MFHAS1: variants seen among roughly 807,000 people sequenced by gnomAD.
MFHAS1 encodes the protein malignant fibrous histiocytoma-amplified sequence 1.
MFHAS1 carries 50 observed loss-of-function variants against 70.4 expected under a neutral mutation model. That is an observed-to-expected ratio of 0.71 (90% CI 0.57 to 0.90). MFHAS1 has a LOEUF of 0.90. Among genes scored for constraint, MFHAS1 ranks in the 40% least tolerant of loss-of-function variants. MFHAS1 has a pLI of 0.00. For synonymous variants in MFHAS1, 952 were observed against 620.0 expected (o/e 1.54, Z -7.96); for missense variants, 1,795 against 1,347.6 (o/e 1.33, Z -5.20).
chr8:8,815,428 T>C (rs1443989634), intron 1 of MFHAS1, among the ~76,000 whole-genome samples: 2 of 152,184 alleles, frequency 1.3e-5, no homozygotes, highest in Non-Finnish European at 2.9e-5. Flanking sequence ...TCTAGGTCTT[T>C]GAGGAATTGC....
At chr8:8,837,960 G>A (rs557430171) in intron 1 of MFHAS1, among the ~76,000 whole-genome samples, 63 of 152,258 alleles carry the variant, frequency 4.1e-4, no homozygotes, top group African/African-American at 1.5e-3. Context: ...GACATGTCCA[G>A]CACACAAAGA....
intron 1 of MFHAS1, among the ~76,000 whole-genome samples, chr8:8,826,360 G>A (rs188809496): frequency 3.3e-5 from 5 of 152,062 alleles, no homozygotes; most frequent in Admixed American, 2.6e-4. Flanking sequence ...GGAAGAACAC[G>A]TGCCTAATCA....
intron 1 of MFHAS1, among the ~76,000 whole-genome samples, chr8:8,846,340 AGGAGGGGGAGGAGGGGG>A (rs1808038017): frequency 3.1e-5 from 1 of 31,914 alleles, no homozygotes; most frequent in Admixed American, 4.6e-4. Flanking sequence ...TAGGAGGGGG[AGGAGGGGGAGGAGGGGG>A]AGGAGGAGAA....
At chr8:8,877,025 C>G in intron 1 of MFHAS1, among the ~76,000 whole-genome samples, 1 of 151,830 alleles carries the variant, frequency 6.6e-6, no homozygotes, top group Non-Finnish European at 1.5e-5. Flanking sequence ...CAGGGCTGGG[C>G]GCAGTGGCAC....
intron 1 of MFHAS1, among the ~76,000 whole-genome samples, chr8:8,877,894 T>A (rs1809356812): frequency 6.6e-6 from 1 of 152,212 alleles, no homozygotes; most frequent in East Asian, 1.9e-4. Flanking sequence ...CTTACTATAA[T>A]TTCTAAATGC....
intron 1 of MFHAS1, among the ~76,000 whole-genome samples, chr8:8,806,117 T>C (rs7460127): frequency 1.1e-4 from 16 of 152,234 alleles, no homozygotes; most frequent in African/African-American, 3.4e-4. Flanking sequence ...CTCTTCCTCC[T>C]GCTTTCTCTG....
chr8:8,892,554 G>C lies in MFHAS1; in HGVS notation c.505C>G (p.Arg169Gly), dbSNP rs1187160545. 6.2e-7 allele frequency: 1 copy of C among 1,601,702 alleles called. No homozygotes were observed. Among genetic ancestry groups the C allele is most frequent in the African/African-American group, 1.3e-5 (1 of 74,734 alleles). ...HLEELDVSFN[R>G]LAHLPDSLSC... Reference sequence around the variant, plus strand: ...AGGGAGTCAGGCAGGTGCGCCAGCCGGTTAAAGCTGACATCCAGCTCCTCC... The same window carrying C: ...AGGGAGTCAGGCAGGTGCGCCAGCCCGTTAAAGCTGACATCCAGCTCCTCC... Residue 169 changes from arginine (R) to glycine (G), a missense_variant, in exon 1 of 3, where the codon CGG (arginine) becomes GGG (glycine). Transcript: ENST00000276282. The surrounding 1 kb of genome is among the most constrained non-coding windows in gnomAD (Gnocchi z 4.7).
intron 1 of MFHAS1, among the ~76,000 whole-genome samples, chr8:8,874,331 TACACACACACACACAC>T (rs35271686): frequency 1.4e-4 from 20 of 144,802 alleles, no homozygotes; most frequent in African/African-American, 2.6e-4. Context: ...TATAACATTC[TACACACACACACACAC>T]ACACACACAC....
chr8:8,850,797 G>C (rs1025699776), intron 1 of MFHAS1, among the ~76,000 whole-genome samples: 2 of 134,754 alleles, frequency 1.5e-5, no homozygotes. Flanking sequence ...GGCAACAGGA[G>C]TGAAACTCCG....
intron 2 of MFHAS1, among the ~76,000 whole-genome samples, chr8:8,795,562 G>A (rs1472003996): frequency 2.0e-5 from 3 of 152,202 alleles, no homozygotes; most frequent in East Asian, 1.9e-4. Context: ...TTGGGTGTTC[G>A]GTGATATTTT....
intron 1 of MFHAS1, among the ~76,000 whole-genome samples, chr8:8,827,515 T>C (rs1410556034): frequency 6.6e-6 from 1 of 152,226 alleles, no homozygotes; most frequent in Non-Finnish European, 1.5e-5. Flanking sequence ...CAAAGTGAAG[T>C]TTACTATGTT....
At chr8:8,876,769 A>C (rs916148501) in intron 1 of MFHAS1, among the ~76,000 whole-genome samples, 1 of 151,972 alleles carries the variant, frequency 6.6e-6, no homozygotes, top group African/African-American at 2.4e-5. Flanking sequence ...TCTTCTATGA[A>C]GAAAAGACTT....
rs540144237 is a variant in MFHAS1 at position 8,796,458 on chromosome 8, C to A, written c.3125+907G>T. 3.6e-4 allele frequency among the ~76,000 whole-genome samples: 55 copies of A among 152,206 alleles called. No homozygotes were observed. In the South Asian group the frequency reaches 0.011, roughly 31 times the overall value. On this transcript the variant is annotated intron_variant, in intron 2 of 2. Transcript: ENST00000276282. ...CAGCACTTTGGGAGGCCAAGACGGG[C>A]GGATCCCGAGGTCAGGAGATCGAGA...
chr8:8,872,881 G>C (rs572638384), intron 1 of MFHAS1, among the ~76,000 whole-genome samples: 9 of 152,174 alleles, frequency 5.9e-5, no homozygotes, highest in African/African-American at 2.2e-4. Flanking sequence ...TATTTCAGAG[G>C]CTTAACAAAT....
chr8:8,814,250 C>T (rs1189456703), intron 1 of MFHAS1, among the ~76,000 whole-genome samples: 1 of 152,112 alleles, frequency 6.6e-6, no homozygotes, highest in Non-Finnish European at 1.5e-5. Flanking sequence ...CATTTTTTAT[C>T]TTTATACTGT....
intron 1 of MFHAS1, among the ~76,000 whole-genome samples, chr8:8,865,559 A>G (rs1808826122): frequency 6.6e-6 from 1 of 152,194 alleles, no homozygotes; most frequent in South Asian, 2.1e-4. Flanking sequence ...CACATAGAAA[A>G]GCAACAGATG....
intron 1 of MFHAS1, among the ~76,000 whole-genome samples, chr8:8,807,235 T>C (rs1585026056): frequency 6.6e-6 from 1 of 152,078 alleles, no homozygotes; most frequent in South Asian, 2.1e-4. Context: ...CATAAATGCT[T>C]TCTATGCCCT....
chr8:8,862,872 C>A (rs1318064612), intron 1 of MFHAS1, among the ~76,000 whole-genome samples: 4 of 152,166 alleles, frequency 2.6e-5, no homozygotes, highest in East Asian at 1.9e-4. Context: ...TTGCTGTGAA[C>A]CTAAAACTTC....
chr8:8,879,925 G>T (rs1237960113), intron 1 of MFHAS1, among the ~76,000 whole-genome samples: 2 of 152,262 alleles, frequency 1.3e-5, no homozygotes, highest in Middle Eastern at 3.4e-3. Flanking sequence ...ATTAGGTCTT[G>T]CCAGTCATTC....
Sources: allele counts gnomAD v4.1 joint callset (sites outside exome capture counted in the v4.1 genomes callset), GRCh38; gene constraint gnomAD v4.1.1; non-coding constraint Gnocchi (gnomAD v3.1); transcripts MANE v1.5; gene names NCBI Gene and HGNC (gene_info 2026-07-23, HGNC 2026-07-21).